Variants in SNTA1 observed in about 807,000 individuals in gnomAD.
SNTA1 encodes the protein syntrophin alpha 1.
Under a neutral mutation model 47.1 loss-of-function variants are expected in SNTA1, and 31 were observed. The ratio of observed to expected loss-of-function variants is 0.66; its 90% CI spans 0.49 to 0.89. The LOEUF (loss-of-function observed/expected upper bound fraction) is 0.89. Ranked by LOEUF, SNTA1 falls within the 40% of genes least tolerant of loss-of-function variation. The pLI is 0.00. For synonymous variants in SNTA1, 300 were observed against 313.6 expected (o/e 0.96, Z 0.46); for missense variants, 575 against 693.0 (o/e 0.83, Z 1.91).
chr20:33,436,456 T>C (rs1164868495), intron 2 of SNTA1, among the ~76,000 whole-genome samples: 1 of 152,184 alleles, frequency 6.6e-6, no homozygotes, highest in Non-Finnish European at 1.5e-5. Flanking sequence ...TTATGTGGCA[T>C]TCTATTATTT....
intron 2 of SNTA1, among the ~76,000 whole-genome samples, chr20:33,430,582 T>A (rs570342164): frequency 6.6e-6 from 1 of 151,962 alleles, no homozygotes; most frequent in Admixed American, 6.6e-5. Flanking sequence ...AGCCATAGTA[T>A]CTTTATTTAA....
rs562913629 is a variant in SNTA1, at chr20:33,413,187, G to T, written c.702-405C>A. ...TTTTTGTATTTTTAATAGAGATGGG[G>T]TTTCACCATGTTGGCCAGGATGGTC... is the stretch of plus-strand genomic sequence containing the variant. On this transcript the variant is annotated intron_variant, in intron 3 of 7. Transcript: ENST00000217381. 3.3e-5 allele frequency among the ~76,000 whole-genome samples: 5 copies of T among 152,216 alleles called. No individual in the cohort carries two copies. In the South Asian group the frequency reaches 1.0e-3, roughly 32 times the overall value.
chr20:33,430,416 G>A (rs1600856352), intron 2 of SNTA1, among the ~76,000 whole-genome samples: 2 of 150,836 alleles, frequency 1.3e-5, no homozygotes, highest in Admixed American at 6.7e-5. Context: ...AGCCTCCTGA[G>A]TAGCTGGGAC....
At chr20:33,422,545 A>G (rs1990062465) in intron 2 of SNTA1, among the ~76,000 whole-genome samples, 1 of 152,102 alleles carries the variant, frequency 6.6e-6, no homozygotes, top group African/African-American at 2.4e-5. Flanking sequence ...GGGGAGGCTG[A>G]GGCAGGCAGA....
In SNTA1 at chr20:33,443,637, C is replaced by A. The variant is rs1292350441; in HGVS notation, c.-17G>T. On this transcript the variant is annotated 5_prime_UTR_variant, in exon 1 of 8. Transcript: ENST00000217381. The stretch of plus-strand genomic sequence containing the variant: ...GGACGCCATCTTCGCCTCCGAGCCC[C>A]CGGGCCGCCGCGCTCGCCCTGTCCC... The A allele has an allele frequency of 8.3e-7, 1 of 1,201,410 alleles. No homozygotes were observed. Among genetic ancestry groups the A allele is most frequent in the South Asian group, 3.1e-5 (1 of 32,664 alleles). 74.4% of individuals were successfully genotyped at this position (1,201,410 alleles called of 1,614,324 possible).
intron 1 of SNTA1, among the ~76,000 whole-genome samples, chr20:33,440,439 G>C (rs1011391785): frequency 6.6e-6 from 1 of 151,506 alleles, no homozygotes; most frequent in Admixed American, 6.6e-5. Context: ...TGGGCAATAA[G>C]AGCGAAACTC....
Position 33,441,239 on chromosome 20 carries a change from GTCCAAGGTCAC to G in SNTA1, c.310+2061_310+2071del, listed in dbSNP as rs34682097. Among the ~76,000 whole-genome samples, 676 of 152,238 alleles carry G rather than the reference GTCCAAGGTCAC, an allele frequency of 4.4e-3. 8 individuals are homozygous for G. Among genetic ancestry groups the G allele is most frequent in the African/African-American group, 0.015 (638 of 41,542 alleles). Reference sequence around the variant, plus strand: ...ACTGAAGTGTGGAGGGAAGCCCCTTGTCCAAGGTCACTCCACTAGTAAGTAGCGAAGCCAGT... The same window carrying G: ...ACTGAAGTGTGGAGGGAAGCCCCTTGTCCACTAGTAAGTAGCGAAGCCAGT... On this transcript the variant is annotated intron_variant, in intron 1 of 7. Transcript: ENST00000217381.
chr20:33,417,981 C>T (rs746042576), intron 2 of SNTA1, 58 bp from the exon 3 acceptor site: 6 of 1,105,590 alleles, frequency 5.4e-6, no homozygotes, highest in Non-Finnish European at 8.3e-6. Context: ...GCACATATCA[C>T]AATTGTCACT....
At chr20:33,440,028 G>A (rs568201383) in intron 1 of SNTA1, among the ~76,000 whole-genome samples, 2 of 152,260 alleles carry the variant, frequency 1.3e-5, no homozygotes, top group Admixed American at 6.5e-5. Context: ...GGGAGGCTGA[G>A]GCAGGAGAAT....
Position 33,426,636 on chromosome 20 carries a change from C to T in SNTA1, c.497-8713G>A, listed in dbSNP as rs139930963. On this transcript the variant is annotated intron_variant, in intron 2 of 7. Coordinates refer to ENST00000217381, the MANE Select transcript of SNTA1 (RefSeq NM_003098.3). ...AATTAGTCAGGCATGGTGGCAGACA[C>T]CTGTAATCCCAACTACTTGGGAGGC... 6.8e-4 allele frequency among the ~76,000 whole-genome samples: 103 copies of T among 151,184 alleles called. 1 individual carries two copies. Among genetic ancestry groups the T allele is most frequent in the African/African-American group, 2.4e-3 (97 of 41,112 alleles).
rs376695170 is a variant in SNTA1 at position 33,412,558 on chromosome 20, C to A, written c.909+17G>T. 313 of 1,611,148 alleles carry A rather than the reference C, an allele frequency of 1.9e-4. 1 individual carries two copies. Among genetic ancestry groups the A allele is most frequent in the Non-Finnish European group, 2.8e-5 (33 of 1,178,872 alleles). ...AGCGGAAGAGAGAGAGGGATAGGTC[C>A]CAGGCCCAGCAGGTACCTGCTCAGT... On this transcript the variant is annotated intron_variant, in intron 4 of 7. Transcript: ENST00000217381.
rs138832244 is a variant in SNTA1 at position 33,440,285 on chromosome 20, A to G, written c.311-1259T>C. Among the ~76,000 whole-genome samples, 573 of 151,538 alleles carry G rather than the reference A, an allele frequency of 3.8e-3. 5 individuals carry two copies. The highest frequency in any genetic ancestry group is 0.013 in the African/African-American group (539 of 41,280). On this transcript the variant is annotated intron_variant, in intron 1 of 7. Coordinates refer to ENST00000217381, the MANE Select transcript of SNTA1 (RefSeq NM_003098.3). The stretch of plus-strand genomic sequence containing the variant: ...AGCCTGGCCAACATGGCAAAACCCC[A>G]TCTCTTCTAAAAGTACAAACATTAG...
intron 1 of SNTA1, among the ~76,000 whole-genome samples, chr20:33,442,343 G>T (rs377564487): frequency 6.6e-6 from 1 of 152,154 alleles, no homozygotes; most frequent in Non-Finnish European, 1.5e-5. Flanking sequence ...GACAAAGGCT[G>T]ATACCCTTTC....
chr20:33,417,975 A>C, intron 2 of SNTA1, 52 bp from the exon 3 acceptor site: 1 of 1,187,326 alleles, frequency 8.4e-7, no homozygotes, highest in Non-Finnish European at 1.3e-6. Flanking sequence ...CTCCCAGCAC[A>C]TATCACAATT....
intron 2 of SNTA1, among the ~76,000 whole-genome samples, chr20:33,435,435 A>G (rs901340819): frequency 1.3e-5 from 2 of 151,920 alleles, no homozygotes; most frequent in Non-Finnish European, 2.9e-5. Flanking sequence ...TGTCTCTACT[A>G]AAAATACAAA....
chr20:33,414,245 CAAAAAAAAAAAAAA>C (rs56186098), intron 3 of SNTA1, among the ~76,000 whole-genome samples: 7 of 29,270 alleles, frequency 2.4e-4, no homozygotes, highest in South Asian at 3.4e-3. Context: ...TCTCAAAAAC[CAAAAAAAAAAAAAA>C]AAAAAAAAAA....
intron 7 of SNTA1, 46 bp downstream of exon 7, chr20:33,408,655 T>C: frequency 6.2e-7 from 1 of 1,608,688 alleles, no homozygotes. Flanking sequence ...CCTCCGAGAG[T>C]GCACACCCCC....
chr20:33,423,032 C>G (rs987206001), intron 2 of SNTA1, among the ~76,000 whole-genome samples: 2 of 152,096 alleles, frequency 1.3e-5, no homozygotes, highest in Non-Finnish European at 2.9e-5. Context: ...GGGCAGGGAC[C>G]TGGTCTGACT....
At chr20:33,409,211 C>T (rs569234864) in intron 6 of SNTA1, among the ~76,000 whole-genome samples, 8 of 152,124 alleles carry the variant, frequency 5.3e-5, no homozygotes, top group South Asian at 2.1e-4. Flanking sequence ...CAGAGTTACC[C>T]GGCTAAATTT....
Sources: gnomAD v4.1 joint callset for allele counts (sites outside exome capture counted in the v4.1 genomes callset) on GRCh38, gnomAD v4.1.1 for gene constraint, MANE v1.5 for transcripts, NCBI Gene and HGNC (gene_info 2026-07-23, HGNC 2026-07-21) for gene names.